The following CDK17 variants were observed in gnomAD, a reference collection of about 807,000 sequenced individuals.
The protein encoded by CDK17 is cyclin-dependent kinase 17.
A neutral mutation model predicts 77.6 loss-of-function variants in CDK17; 24 were observed. The ratio of observed to expected loss-of-function variants is 0.31; its 90% CI spans 0.22 to 0.44. The LOEUF (loss-of-function observed/expected upper bound fraction) is 0.44. CDK17 is among the 20% of genes least tolerant of loss of function. The pLI is 1.00. For synonymous variants in CDK17, 203 were observed against 210.4 expected (o/e 0.96, Z 0.30); for missense variants, 429 against 622.5 (o/e 0.69, Z 3.31).
chr12:96,368,815 G>T lies in CDK17; in HGVS notation c.-30+31171C>A, dbSNP rs918877068. ...AGAAGCTACTCTAAGACGGGGGGGG[G>T]GGGGGGGGGCACAATGAATAAGGCT... On this transcript the variant is annotated intron_variant, in intron 1 of 16. Transcript: ENST00000261211. Among the ~76,000 whole-genome samples the T allele has an allele frequency of 3.1e-5, 3 of 96,830 alleles. 1 individual carries two copies. Among genetic ancestry groups the T allele is most frequent in the Non-Finnish European group, 6.5e-5 (3 of 45,934 alleles). 63.5% of individuals were successfully genotyped at this position (96,830 alleles called of 152,430 possible). A position where few individuals can be genotyped will look rare whatever the true frequency, so the allele number is the denominator to read the frequency against.
chr12:96,298,021 T>TG (rs1952435761), intron 7 of CDK17, among the ~76,000 whole-genome samples: 1 of 151,902 alleles, frequency 6.6e-6, no homozygotes, highest in Non-Finnish European at 1.5e-5. Context: ...CTGGGCACGG[T>TG]GGCTCATGCC....
At chr12:96,354,719 G>GA (rs925886062) in intron 1 of CDK17, among the ~76,000 whole-genome samples, 7 of 151,690 alleles carry the variant, frequency 4.6e-5, no homozygotes, top group Non-Finnish European at 8.8e-5. Context: ...CTCCTCTTAG[G>GA]AAAAAAAATT....
At chr12:96,323,626 T>C (rs1052755336) in intron 3 of CDK17, among the ~76,000 whole-genome samples, 1 of 147,240 alleles carries the variant, frequency 6.8e-6, no homozygotes, top group African/African-American at 2.6e-5. Flanking sequence ...ATAGGCTTTA[T>C]ATGGTGATGA....
chr12:96,316,119 C>G (rs1952712681), intron 3 of CDK17, among the ~76,000 whole-genome samples: 1 of 152,168 alleles, frequency 6.6e-6, no homozygotes, highest in Non-Finnish European at 1.5e-5. Context: ...CTAGCCGAAG[C>G]AGGGCGAGGC....
At chr12:96,352,231 G>A (rs575429767) in intron 1 of CDK17, among the ~76,000 whole-genome samples, 16 of 152,252 alleles carry the variant, frequency 1.1e-4, no homozygotes, top group South Asian at 1.0e-3. Context: ...AAGGTGAGGC[G>A]ATGGGACCAC....
chr12:96,311,182 A>T lies in CDK17; in HGVS notation c.418-5T>A. ...TGATAACCGCTTATTTAAATCCTTAAAAAAAAAAAAAGGTAATCCAAAATA... is the reference window on the plus strand; with the variant it reads ...TGATAACCGCTTATTTAAATCCTTATAAAAAAAAAAAGGTAATCCAAAATA... On this transcript the variant is annotated splice_polypyrimidine_tract_variant and splice_region_variant and intron_variant, in intron 4 of 16. Transcript: ENST00000261211. 1.6e-6 allele frequency: 2 copies of T among 1,251,722 alleles called. No homozygotes were observed. Among genetic ancestry groups the T allele is most frequent in the Non-Finnish European group, 1.0e-6 (1 of 958,440 alleles). The allele number at this position is 1,251,722 out of a possible 1,614,324, so 77.5% of individuals were successfully genotyped here. A position where few individuals can be genotyped will look rare whatever the true frequency, so the allele number is the denominator to read the frequency against.
intron 3 of CDK17, among the ~76,000 whole-genome samples, chr12:96,313,700 T>G (rs1952672497): frequency 6.6e-6 from 1 of 152,186 alleles, no homozygotes. Flanking sequence ...TATCAAGGGT[T>G]GAGTAATAAA....
intron 1 of CDK17, among the ~76,000 whole-genome samples, chr12:96,336,052 TA>T (rs1448030587): frequency 2.8e-4 from 42 of 152,330 alleles, no homozygotes; most frequent in African/African-American, 9.9e-4. Context: ...ACTGAACAGG[TA>T]ATCTATGCAT....
intron 1 of CDK17, among the ~76,000 whole-genome samples, chr12:96,354,190 A>T (rs533569886): frequency 1.3e-5 from 2 of 152,286 alleles, no homozygotes; most frequent in East Asian, 3.9e-4. Context: ...AAGTGAAGTG[A>T]TCTGGCCAAG....
intron 1 of CDK17, among the ~76,000 whole-genome samples, chr12:96,363,334 C>G (rs929062258): frequency 3.3e-5 from 5 of 151,648 alleles, no homozygotes; most frequent in Middle Eastern, 3.2e-3. Flanking sequence ...GCCTGTAATC[C>G]CAGCTAACTG....
chr12:96,392,387 A>C (rs186121887), intron 1 of CDK17, among the ~76,000 whole-genome samples: 1 of 152,344 alleles, frequency 6.6e-6, no homozygotes. Context: ...AAAAAGGATA[A>C]AATAAGATAC....
At chr12:96,358,370 TAAAAAAAAAAAA>T (rs35899533) in intron 1 of CDK17, among the ~76,000 whole-genome samples, 6 of 35,182 alleles carry the variant, frequency 1.7e-4, no homozygotes, top group South Asian at 8.1e-4. Flanking sequence ...TGCAAACTTG[TAAAAAAAAAAAA>T]AAAAAAAAAA....
chr12:96,358,423 T>C (rs1436365564), intron 1 of CDK17, among the ~76,000 whole-genome samples: 1 of 59,358 alleles, frequency 1.7e-5, no homozygotes, highest in Non-Finnish European at 3.7e-5. Flanking sequence ...ATAAAAACAA[T>C]AGCATAATTA....
chr12:96,334,651 G>C, intron 2 of CDK17, 68 bp downstream of exon 2: 1 of 833,082 alleles, frequency 1.2e-6, no homozygotes, highest in Non-Finnish European at 2.0e-6. Context: ...TATCTAAAAA[G>C]TAAATTTACA....
chr12:96,293,673 C>T (rs948093284), intron 10 of CDK17, among the ~76,000 whole-genome samples: 1 of 152,170 alleles, frequency 6.6e-6, no homozygotes. Context: ...TGACCTTGTA[C>T]TTTAAATGGG....
chr12:96,316,175 G>C (rs905465123), intron 3 of CDK17, among the ~76,000 whole-genome samples: 18 of 152,240 alleles, frequency 1.2e-4, no homozygotes, highest in African/African-American at 2.2e-4. Flanking sequence ...TTCTCTTTCC[G>C]AGTCAAAGAA....
chr12:96,339,226 C>T (rs1953089101), intron 1 of CDK17, among the ~76,000 whole-genome samples: 1 of 152,116 alleles, frequency 6.6e-6, no homozygotes, highest in Admixed American at 6.6e-5. Context: ...TAAATGGATT[C>T]AGTATCTATT....
chr12:96,340,734 AG>A (rs1953110296), intron 1 of CDK17, among the ~76,000 whole-genome samples: 2 of 152,230 alleles, frequency 1.3e-5, no homozygotes, highest in Admixed American at 6.5e-5. Flanking sequence ...ATAATAGGGC[AG>A]TGCTAAATTA....
At chr12:96,302,341 T>C (rs1280787067) in intron 5 of CDK17, among the ~76,000 whole-genome samples, 1 of 139,958 alleles carries the variant, frequency 7.1e-6, no homozygotes, top group Non-Finnish European at 1.6e-5. Flanking sequence ...AGCCTATTTA[T>C]ATATGATCTT....
Sources: gnomAD v4.1 joint callset for allele counts (sites outside exome capture counted in the v4.1 genomes callset) on GRCh38, gnomAD v4.1.1 for gene constraint, MANE v1.5 for transcripts, NCBI Gene and HGNC (gene_info 2026-07-23, HGNC 2026-07-21) for gene names.